Variants in TAS2R1 observed in about 807,000 individuals in gnomAD.
TAS2R1 encodes taste receptor type 2 member 1.
For synonymous variants in TAS2R1, 141 were observed against 134.2 expected, an observed-to-expected ratio of 1.05 and a Z score of -0.35; for missense variants, 370 against 353.4, an observed-to-expected ratio of 1.05 and a Z score of -0.38.
At chr5:9,660,860 C>T (rs1032946186) in intron 1 of TAS2R1, among the ~76,000 whole-genome samples, 3 of 152,124 alleles carry the variant, frequency 2.0e-5, no homozygotes, top group African/African-American at 7.2e-5. Context: ...AGGTAGGAAC[C>T]ACATGCAAGG....
In TAS2R1 at chr5:9,629,065, G is replaced by T; in HGVS notation, c.*68C>A. 6.8e-7 allele frequency: 1 copy of T among 1,461,764 alleles called. No homozygotes were observed. Among genetic ancestry groups the T allele is most frequent in the Non-Finnish European group, 9.1e-7 (1 of 1,096,816 alleles). 90.5% of individuals were successfully genotyped at this position (1,461,764 alleles called of 1,614,324 possible). A position where few individuals can be genotyped will look rare whatever the true frequency, so the allele number is the denominator to read the frequency against. ...TATGAACAGGCTGCTTTGTCTGGCT[G>T]AGGGAAGTGTGGCAGGCATGGGTAA... is the stretch of plus-strand genomic sequence containing the variant. On this transcript the variant is annotated 3_prime_UTR_variant, in exon 1 of 1. Transcript: ENST00000382492.
At chr5:9,814,314 A>T in the TAS2R1 span, among the ~76,000 whole-genome samples, 1 of 152,214 alleles carries the variant, frequency 6.6e-6, no homozygotes, top group African/African-American at 2.4e-5. Flanking sequence ...GTGAAAAAAA[A>T]AAATGCTCAC....
the TAS2R1 span, among the ~76,000 whole-genome samples, chr5:9,811,896 C>T: frequency 6.6e-6 from 1 of 152,116 alleles, no homozygotes; most frequent in Non-Finnish European, 1.5e-5. Context: ...ACACAACAGC[C>T]TCTTGGGCAC....
At chr5:9,772,738 T>C in the TAS2R1 span, among the ~76,000 whole-genome samples, 1 of 152,136 alleles carries the variant, frequency 6.6e-6, no homozygotes, top group Non-Finnish European at 1.5e-5. Flanking sequence ...GACCCCTTTA[T>C]TGTTATATGA....
chr5:9,830,929 G>A, the TAS2R1 span, among the ~76,000 whole-genome samples: 2 of 152,100 alleles, frequency 1.3e-5, no homozygotes, highest in African/African-American at 2.4e-5. Context: ...TTGACTCAGA[G>A]GCTTTAGTCT....
At chr5:9,798,999 G>C in the TAS2R1 span, among the ~76,000 whole-genome samples, 3 of 152,100 alleles carry the variant, frequency 2.0e-5, no homozygotes, top group Admixed American at 6.5e-5. Context: ...CCCTTTCTAA[G>C]CCTGGCTATA....
the TAS2R1 span, among the ~76,000 whole-genome samples, chr5:9,861,037 G>GGTTTTTTTTTT: frequency 6.8e-5 from 6 of 88,612 alleles, no homozygotes; most frequent in African/African-American, 2.6e-4. Flanking sequence ...GGAAGATGAG[G>GGTTTTTTTTTT]TTTTTTTTTT....
chr5:9,733,304 C>T, the TAS2R1 span, among the ~76,000 whole-genome samples: 1 of 152,192 alleles, frequency 6.6e-6, no homozygotes, highest in East Asian at 1.9e-4. Context: ...TCTATGGCTG[C>T]CTTTGTGTAA....
chr5:9,844,506 T>C, the TAS2R1 span, among the ~76,000 whole-genome samples: 1 of 152,198 alleles, frequency 6.6e-6, no homozygotes, highest in Non-Finnish European at 1.5e-5. Flanking sequence ...ATGTAAGTCT[T>C]CCCTGACATA....
the TAS2R1 span, among the ~76,000 whole-genome samples, chr5:9,767,470 T>C: frequency 6.6e-6 from 1 of 152,158 alleles, no homozygotes; most frequent in African/African-American, 2.4e-5. Flanking sequence ...TTCTCATCAG[T>C]AAAACAGGGA....
At chr5:9,745,114 T>G in the TAS2R1 span, among the ~76,000 whole-genome samples, 1 of 152,132 alleles carries the variant, frequency 6.6e-6, no homozygotes, top group Non-Finnish European at 1.5e-5. Flanking sequence ...AAGAAGTTGT[T>G]ACATTAACCC....
At chr5:9,881,536 G>A in the TAS2R1 span, among the ~76,000 whole-genome samples, 1 of 152,032 alleles carries the variant, frequency 6.6e-6, no homozygotes, top group Non-Finnish European at 1.5e-5. Context: ...ATGAAAAAAG[G>A]CCCATATAGC....
chr5:9,886,275 A>T, the TAS2R1 span, among the ~76,000 whole-genome samples: 1 of 148,260 alleles, frequency 6.7e-6, no homozygotes, highest in African/African-American at 2.5e-5. Context: ...CAGGCAATTC[A>T]CCGGCCTCAG....
chr5:9,628,203 C>T lies in TAS2R1; in HGVS notation c.*930G>A, dbSNP rs1391962970. Among the ~76,000 whole-genome samples, 1 of 151,742 alleles carries T rather than the reference C, an allele frequency of 6.6e-6. No homozygotes were observed. Among genetic ancestry groups the T allele is most frequent in the Non-Finnish European group, 1.5e-5 (1 of 68,000 alleles). On this transcript the variant is annotated 3_prime_UTR_variant, in exon 1 of 1. Coordinates refer to ENST00000382492, the MANE Select transcript of TAS2R1 (RefSeq NM_019599.3). ...CTTAGTATTCAAAATCTCAACCAAACAGAAAATGCATTTGTGACTTGAAGC... is the reference window on the plus strand; with the variant it reads ...CTTAGTATTCAAAATCTCAACCAAATAGAAAATGCATTTGTGACTTGAAGC...
chr5:9,712,802 T>A (rs112202973), upstream of TAS2R1, among the ~76,000 whole-genome samples: 7 of 152,252 alleles, frequency 4.6e-5, no homozygotes, highest in Middle Eastern at 3.4e-3. Context: ...ATGAAAGGAA[T>A]GTGGGAGGGT....
At chr5:9,685,262 C>G (rs907778666) in intron 1 of TAS2R1, among the ~76,000 whole-genome samples, 1 of 152,114 alleles carries the variant, frequency 6.6e-6, no homozygotes, top group Non-Finnish European at 1.5e-5. Flanking sequence ...CAAGCTGAGA[C>G]TTTAAGAAAA....
At chr5:9,635,851 T>C (rs1325786759) in intron 2 of TAS2R1, among the ~76,000 whole-genome samples, 1 of 152,120 alleles carries the variant, frequency 6.6e-6, no homozygotes, top group Non-Finnish European at 1.5e-5. Context: ...ATCTCACTAA[T>C]GGTCTATCAA....
chr5:9,890,117 C>T, the TAS2R1 span, among the ~76,000 whole-genome samples: 24 of 152,020 alleles, frequency 1.6e-4, no homozygotes, highest in South Asian at 2.1e-4. Context: ...AAAAGGGACT[C>T]GGGATCCAGC....
chr5:9,633,266 A>C (rs1369188066), upstream of TAS2R1, among the ~76,000 whole-genome samples: 3 of 121,870 alleles, frequency 2.5e-5, no homozygotes, highest in Non-Finnish European at 4.8e-5. Flanking sequence ...AGTATTCCAT[A>C]GTGTGTGTGT....
Sources: gnomAD v4.1 joint callset for allele counts (sites outside exome capture counted in the v4.1 genomes callset) on GRCh38, gnomAD v4.1.1 for gene constraint, MANE v1.5 for transcripts, NCBI Gene and HGNC (gene_info 2026-07-23, HGNC 2026-07-21) for gene names.